MAPK10: variants seen among roughly 807,000 people sequenced by gnomAD.
MAPK10 encodes the protein JNK3 alpha protein kinase.
In MAPK10, 25 loss-of-function variants were observed where a neutral mutation model predicts 59.3. The observed-to-expected ratio is 0.42, with a 90% CI of 0.31 to 0.59. MAPK10 has a LOEUF of 0.59. Among genes scored for constraint, MAPK10 ranks in the 20% least tolerant of loss-of-function variants. The pLI, the probability that MAPK10 is intolerant of heterozygous loss-of-function variation, is 0.15. For synonymous variants in MAPK10, 190 were observed against 200.5 expected (o/e 0.95, Z 0.44); for missense variants, 351 against 568.9 (o/e 0.62, Z 3.90).
At chr4:86,524,124 T>C (rs1757304879) in intron 1 of MAPK10, among the ~76,000 whole-genome samples, 1 of 152,188 alleles carries the variant, frequency 6.6e-6, no homozygotes, top group Admixed American at 6.5e-5. Context: ...AAGCTCCCCT[T>C]CACCTTCCAC....
At chr4:86,488,918 C>T (rs933100212) in intron 1 of MAPK10, among the ~76,000 whole-genome samples, 3 of 152,174 alleles carry the variant, frequency 2.0e-5, no homozygotes, top group Admixed American at 6.5e-5. Context: ...GCCACAGGAC[C>T]GGCCAAATGT....
rs189004447 is a variant in MAPK10 at position 86,345,954 on chromosome 4, G to A, written c.-7+8576C>T. 2.1e-4 allele frequency among the ~76,000 whole-genome samples: 32 copies of A among 152,294 alleles called. No homozygotes were observed. In the East Asian group the frequency reaches 3.5e-3, roughly 16 times the overall value. On this transcript the variant is annotated intron_variant, in intron 2 of 13. Coordinates refer to ENST00000641462, the MANE Select transcript of MAPK10 (RefSeq NM_138982.4). The stretch of plus-strand genomic sequence containing the variant: ...AATTTGCCTCATAACATTTCTGTTT[G>A]AATAGCAATGGTTGAAGTCTTCAAC...
At chr4:86,231,620 G>A (rs572578002) in intron 2 of MAPK10, among the ~76,000 whole-genome samples, 7 of 151,934 alleles carry the variant, frequency 4.6e-5, no homozygotes, top group South Asian at 2.1e-4. Flanking sequence ...CTGAGATTGC[G>A]CCACTGCACT....
intron 4 of MAPK10, among the ~76,000 whole-genome samples, chr4:86,109,922 T>C (rs994753012): frequency 3.3e-5 from 5 of 152,236 alleles, no homozygotes; most frequent in Admixed American, 1.3e-4. Flanking sequence ...TTATCACCAT[T>C]GTGAATGACA....
At chr4:86,482,274 A>G (rs970740671) in intron 1 of MAPK10, among the ~76,000 whole-genome samples, 7 of 152,280 alleles carry the variant, frequency 4.6e-5, no homozygotes, top group African/African-American at 1.7e-4. Flanking sequence ...CTAATAGAGC[A>G]GTAGGTGATT....
At chr4:86,583,334 T>G (rs1762436235) in intron 1 of MAPK10, among the ~76,000 whole-genome samples, 1 of 152,114 alleles carries the variant, frequency 6.6e-6, no homozygotes, top group African/African-American at 2.4e-5. Flanking sequence ...CCATATATTT[T>G]CAATCCCTTC....
intron 1 of MAPK10, among the ~76,000 whole-genome samples, chr4:86,578,804 T>A (rs1274552309): frequency 1.3e-5 from 2 of 152,140 alleles, no homozygotes; most frequent in Non-Finnish European, 2.9e-5. Flanking sequence ...ATTGACGTCT[T>A]GCACCTCAAG....
intron 11 of MAPK10, among the ~76,000 whole-genome samples, chr4:86,055,034 T>C (rs1178437039): frequency 6.6e-6 from 1 of 152,200 alleles, no homozygotes. Flanking sequence ...AAGAGAATCA[T>C]GATGTCTCAC....
At chr4:86,242,369 T>C (rs1287665204) in intron 2 of MAPK10, among the ~76,000 whole-genome samples, 1 of 152,110 alleles carries the variant, frequency 6.6e-6, no homozygotes, top group African/African-American at 2.4e-5. Context: ...ATGAAGCTCT[T>C]TGTCCCTTGA....
chr4:86,581,898 A>ATT (rs1201012871), intron 1 of MAPK10, among the ~76,000 whole-genome samples: 104 of 97,438 alleles, frequency 1.1e-3, no homozygotes, highest in South Asian at 2.7e-3. Context: ...AGCTATATAT[A>ATT]TTATATATAT....
At chr4:86,327,391 A>C (rs1025504110) in intron 2 of MAPK10, 6 of 152,038 alleles carry the variant, frequency 3.9e-5, no homozygotes, top group Admixed American at 1.3e-4. Flanking sequence ...CTCACCCCCC[A>C]AAAAATTATC....
intron 11 of MAPK10, among the ~76,000 whole-genome samples, chr4:86,038,249 T>G (rs2040757774): frequency 6.6e-6 from 1 of 152,230 alleles, no homozygotes; most frequent in South Asian, 2.1e-4. Context: ...TCTCCCTGTG[T>G]TCTGCTGCCT....
chr4:86,125,097 T>G (rs1416987407), intron 4 of MAPK10: 1 of 151,950 alleles, frequency 6.6e-6, no homozygotes, highest in Non-Finnish European at 1.5e-5. Context: ...TTTAGCAAAA[T>G]TTGTTCTTAG....
At chr4:86,397,925 A>G (rs1743177064) in intron 1 of MAPK10, among the ~76,000 whole-genome samples, 1 of 148,936 alleles carries the variant, frequency 6.7e-6, no homozygotes, top group Non-Finnish European at 1.5e-5. Flanking sequence ...ATTGCCATGT[A>G]GAAAATATGA....
intron 4 of MAPK10, among the ~76,000 whole-genome samples, chr4:86,152,830 G>C (rs1266168030): frequency 5.3e-5 from 8 of 152,122 alleles, no homozygotes; most frequent in Non-Finnish European, 1.2e-4. Context: ...AGGTCTCTTA[G>C]AGCAGTAAAT....
chr4:86,110,788 T>C (rs1430892905), intron 4 of MAPK10, among the ~76,000 whole-genome samples: 2 of 152,210 alleles, frequency 1.3e-5, no homozygotes, highest in South Asian at 2.1e-4. Context: ...GGTAGTTTAA[T>C]GGGAATTGCA....
intron 10 of MAPK10, 139 bp from the exon 11 acceptor site, chr4:86,064,529 A>C (rs1260761919): frequency 3.9e-6 from 3 of 764,554 alleles, no homozygotes; most frequent in Non-Finnish European, 6.4e-6. Flanking sequence ...ATGTGATGGA[A>C]AAGAAAATGC....
chr4:86,523,759 CA>C (rs76635546), intron 1 of MAPK10, among the ~76,000 whole-genome samples: 34,269 of 152,046 alleles, frequency 0.23, 4,580 homozygotes, highest in Admixed American at 0.3. Flanking sequence ...CTGTATTTAC[CA>C]AATCTCTCAA....
chr4:86,296,234 G>C (rs919216598), intron 2 of MAPK10, among the ~76,000 whole-genome samples: 2 of 149,704 alleles, frequency 1.3e-5, no homozygotes, highest in Non-Finnish European at 3.0e-5. Context: ...TTTTTGTTTT[G>C]TTTTTTCTTG....
Sources: gnomAD v4.1 joint callset for allele counts (sites outside exome capture counted in the v4.1 genomes callset) on GRCh38, gnomAD v4.1.1 for gene constraint, MANE v1.5 for transcripts, NCBI Gene and HGNC (gene_info 2026-07-23, HGNC 2026-07-21) for gene names.